NTNG2: variants seen among roughly 807,000 people sequenced by gnomAD.
NTNG2 encodes netrin G2, also known as netrin-G2.
A neutral mutation model predicts 47.6 loss-of-function variants in NTNG2; 15 were observed. That is an observed-to-expected ratio of 0.32 (90% CI 0.21 to 0.49). The LOEUF is 0.49. Among genes scored for constraint, NTNG2 ranks in the 20% least tolerant of loss-of-function variants. NTNG2 has a pLI of 0.99. For synonymous variants in NTNG2, 307 were observed against 324.6 expected, an observed-to-expected ratio of 0.95 and a Z score of 0.58; for missense variants, 578 against 764.6, an observed-to-expected ratio of 0.76 and a Z score of 2.88.
At chr9:132,183,717 C>CA (rs1254720893) in intron 2 of NTNG2, among the ~76,000 whole-genome samples, 2 of 152,212 alleles carry the variant, frequency 1.3e-5, no homozygotes, top group Non-Finnish European at 2.9e-5. Context: ...TTGGCTTCCC[C>CA]ACCTGTAGGT....
intron 2 of NTNG2, among the ~76,000 whole-genome samples, chr9:132,186,320 A>G (rs2131388352): frequency 6.6e-6 from 1 of 152,340 alleles, no homozygotes; most frequent in African/African-American, 2.4e-5. Flanking sequence ...TTCCTGCCCC[A>G]AACATTCCTG....
intron 2 of NTNG2, among the ~76,000 whole-genome samples, chr9:132,177,737 A>C (rs1836576492): frequency 6.6e-6 from 1 of 152,126 alleles, no homozygotes; most frequent in Non-Finnish European, 1.5e-5. Flanking sequence ...AGCTCACTGC[A>C]ACCTCCCCCT....
Position 132,226,932 on chromosome 9 carries a change from C to T in NTNG2, c.941C>T (p.Pro314Leu), listed in dbSNP as rs1840804732. 10 of 1,613,012 alleles carry T rather than the reference C, an allele frequency of 6.2e-6. No homozygotes were observed. In the East Asian group the frequency reaches 2.2e-4, roughly 36 times the overall value. Residue 314 changes from proline to leucine, a missense_variant, in exon 4 of 8, where the codon CCC becomes CTC. Pro to Leu is a moderately conservative substitution (Grantham distance 98). Coordinates refer to ENST00000393229, the MANE Select transcript of NTNG2 (RefSeq NM_032536.4). The surrounding 1 kb of genome is among the most constrained non-coding windows in gnomAD (Gnocchi z 4.8). ...QCECEHNTTG[P>L]DCGKCKKNFR... The stretch of plus-strand genomic sequence containing the variant: ...GAGTGCGAGCACAACACCACCGGCC[C>T]CGACTGCGGCAAGTGCAAGAAGAAT...
At chr9:132,235,585 A>G (rs763581812) in intron 5 of NTNG2, among the ~76,000 whole-genome samples, 12 of 152,062 alleles carry the variant, frequency 7.9e-5, no homozygotes, top group Non-Finnish European at 1.5e-4. Flanking sequence ...ATGCCTCAGT[A>G]TGTACCCAGC....
chr9:132,190,726 T>C (rs76522262), intron 2 of NTNG2, among the ~76,000 whole-genome samples: 1,924 of 152,330 alleles, frequency 0.013, 54 homozygotes, highest in African/African-American at 0.044. Flanking sequence ...AGCATTTAAG[T>C]GCCCATGACG....
At chr9:132,232,691 C>T (rs969247449) in intron 5 of NTNG2, 12 of 152,264 alleles carry the variant, frequency 7.9e-5, no homozygotes, top group African/African-American at 2.9e-4. Context: ...AATAGCCTGC[C>T]ACACCCTGTC....
intron 2 of NTNG2, among the ~76,000 whole-genome samples, chr9:132,174,086 ATAGG>A (rs1836189912): frequency 2.5e-5 from 2 of 81,366 alleles, no homozygotes; most frequent in African/African-American, 5.2e-5. Context: ...AGACGGACAG[ATAGG>A]CAGGCCGCAC....
At chr9:132,202,132 C>T (rs777902000) in intron 3 of NTNG2, among the ~76,000 whole-genome samples, 1 of 152,180 alleles carries the variant, frequency 6.6e-6, no homozygotes, top group Non-Finnish European at 1.5e-5. Context: ...TATGATGGAG[C>T]GATCCCACGG....
In NTNG2 at chr9:132,197,861, G is replaced by C. The variant is rs1265074437; in HGVS notation, c.214-105G>C. The C allele has an allele frequency of 9.1e-7, 1 of 1,095,790 alleles. No homozygotes were observed. The highest frequency in any genetic ancestry group is 1.3e-6 in the Non-Finnish European group (1 of 776,332). The allele number at this position is 1,095,790 out of a possible 1,614,324, so 67.9% of individuals were successfully genotyped here. ...CCGGAGCACAGGCCCTGTAGCCACA[G>C]AGCAGGTTTCTCGGTTCGCAGGCAG... is the stretch of plus-strand genomic sequence containing the variant. On this transcript the variant is annotated intron_variant, in intron 2 of 7. Coordinates refer to ENST00000393229, the MANE Select transcript of NTNG2 (RefSeq NM_032536.4). The surrounding 1 kb of genome is among the most constrained non-coding windows in gnomAD (Gnocchi z 4.3).
At chr9:132,230,400 T>C (rs1285504630) in intron 4 of NTNG2, among the ~76,000 whole-genome samples, 172 bp from the exon 5 acceptor site, 3 of 152,098 alleles carry the variant, frequency 2.0e-5, no homozygotes, top group African/African-American at 7.2e-5. Flanking sequence ...TCCACCCCCG[T>C]CCCCACACCC....
intron 3 of NTNG2, among the ~76,000 whole-genome samples, chr9:132,212,271 C>T (rs1417617628): frequency 6.6e-6 from 1 of 152,188 alleles, no homozygotes; most frequent in Non-Finnish European, 1.5e-5. Flanking sequence ...GGTGCCTTCG[C>T]AGGCCCTGGT....
Position 132,241,142 on chromosome 9 carries a change from T to G in NTNG2, c.1357+98T>G, listed in dbSNP as rs1589574357. On this transcript the variant is annotated intron_variant, in intron 7 of 7. Transcript: ENST00000393229. ...GCCTAGTGGGACGGGGCAGGGGCGG[T>G]GGACTGGGCCTAGCAAGACGGGGCA... 10 of 1,083,086 alleles carry G rather than the reference T, an allele frequency of 9.2e-6. No individual in the cohort carries two copies. The South Asian group carries it at 1.5e-4, about 16-fold the overall frequency. The allele number at this position is 1,083,086 out of a possible 1,614,324, so 67.1% of individuals were successfully genotyped here.
rs1842030370 is a variant in NTNG2 at position 132,242,119 on chromosome 9, C to T, written c.*8C>T. 1.8e-6 allele frequency: 2 copies of T among 1,117,818 alleles called. No homozygotes were observed. The highest frequency in any genetic ancestry group is 2.2e-6 in the Non-Finnish European group (2 of 915,040). The allele number at this position is 1,117,818 out of a possible 1,614,324, so 69.2% of individuals were successfully genotyped here. On this transcript the variant is annotated 3_prime_UTR_variant, in exon 8 of 8. Coordinates refer to ENST00000393229, the MANE Select transcript of NTNG2 (RefSeq NM_032536.4). This position sits in a 1 kb window ranked among gnomAD's most constrained non-coding sequence, Gnocchi z 5.9. Reference sequence around the variant, plus strand: ...GCCCGCCTGGGCCGCTGAGCCCCGCCCGGAGGACGCTCCCCGCACCCGGAG... The same window carrying T: ...GCCCGCCTGGGCCGCTGAGCCCCGCTCGGAGGACGCTCCCCGCACCCGGAG...
At chr9:132,203,742 T>C (rs532202898) in intron 3 of NTNG2, among the ~76,000 whole-genome samples, 2 of 152,260 alleles carry the variant, frequency 1.3e-5, no homozygotes, top group South Asian at 4.1e-4. Flanking sequence ...GCCAACACAC[T>C]GGAGCCAGGG....
intron 2 of NTNG2, among the ~76,000 whole-genome samples, chr9:132,179,854 G>T (rs556165506): frequency 1.3e-5 from 2 of 152,154 alleles, no homozygotes; most frequent in African/African-American, 2.4e-5. Context: ...GAGTTCGAAT[G>T]GTCGTTCTGA....
chr9:132,235,460 T>C (rs1222534848), intron 5 of NTNG2, among the ~76,000 whole-genome samples: 1 of 152,174 alleles, frequency 6.6e-6, no homozygotes, highest in Admixed American at 6.5e-5. Flanking sequence ...CAGGCTGAAA[T>C]AGTGTAGATG....
intron 2 of NTNG2, among the ~76,000 whole-genome samples, chr9:132,185,813 G>C (rs1404242363): frequency 5.3e-5 from 8 of 150,108 alleles, no homozygotes; most frequent in Admixed American, 5.3e-4. Flanking sequence ...CTGAGCCCCT[G>C]TGTGTGCAGG....
chr9:132,188,934 G>A (rs554748184), intron 2 of NTNG2, among the ~76,000 whole-genome samples: 1 of 152,136 alleles, frequency 6.6e-6, no homozygotes, highest in Non-Finnish European at 1.5e-5. Context: ...TGAGGCTCTC[G>A]GGCAGGAGAA....
chr9:132,211,733 T>C (rs1839603761), intron 3 of NTNG2, among the ~76,000 whole-genome samples: 1 of 152,120 alleles, frequency 6.6e-6, no homozygotes, highest in African/African-American at 2.4e-5. Flanking sequence ...GGTCCCCTTC[T>C]CCAGCCTTGG....
Sources: gnomAD v4.1 joint callset for allele counts (sites outside exome capture counted in the v4.1 genomes callset) on GRCh38, gnomAD v4.1.1 for gene constraint, Gnocchi (gnomAD v3.1) non-coding constraint, MANE v1.5 for transcripts, NCBI Gene and HGNC (gene_info 2026-07-23, HGNC 2026-07-21) for gene names.